The following MRTFA variants were observed in gnomAD, a reference collection of about 807,000 sequenced individuals.
MRTFA encodes myocardin-related transcription factor A.
A neutral mutation model predicts 83.5 loss-of-function variants in MRTFA; 20 were observed. The observed-to-expected ratio is 0.24, with a 90% CI of 0.17 to 0.35. The LOEUF (loss-of-function observed/expected upper bound fraction) is 0.35. MRTFA is among the 10% of genes least tolerant of loss of function. The pLI is 1.00. For missense variants in MRTFA, 1,200 were observed against 1,224.7 expected (o/e 0.98, Z 0.30); for synonymous variants, 659 against 541.2 (o/e 1.22, Z -3.02).
chr22:40,466,110 TAA>T (rs1755530493), intron 3 of MRTFA, among the ~76,000 whole-genome samples: 1 of 152,162 alleles, frequency 6.6e-6, no homozygotes, highest in Non-Finnish European at 1.5e-5. Context: ...ACAAAGGGGC[TAA>T]AACAGATGGT....
At chr22:40,634,061 G>A (rs1043931313) in intron 1 of MRTFA, among the ~76,000 whole-genome samples, 1 of 151,810 alleles carries the variant, frequency 6.6e-6, no homozygotes, top group African/African-American at 2.4e-5. Context: ...CCTTCCTGGG[G>A]CTTATAACTG....
intron 1 of MRTFA, among the ~76,000 whole-genome samples, chr22:40,629,296 A>C (rs548814722): frequency 6.6e-6 from 1 of 151,920 alleles, no homozygotes; most frequent in East Asian, 1.9e-4. Flanking sequence ...ATACAAAAAA[A>C]TTAGCCGGGC....
rs537139536 is a variant in MRTFA, at chr22:40,486,710, G to A, written c.242-23424C>T. On this transcript the variant is annotated intron_variant, in intron 3 of 14. Coordinates refer to ENST00000355630, the MANE Select transcript of MRTFA (RefSeq NM_020831.6). ...CGTATTAAGAAGGGTACAGGGAGCC[G>A]GGTGCAGTGTGGCTCACGCCTCTAA... Among the ~76,000 whole-genome samples the A allele has an allele frequency of 3.9e-5, 6 of 152,294 alleles. No homozygotes were observed. In the East Asian group the frequency reaches 5.8e-4, roughly 15 times the overall value.
At chr22:40,566,843 T>A (rs1419779194) in intron 2 of MRTFA, among the ~76,000 whole-genome samples, 1 of 152,018 alleles carries the variant, frequency 6.6e-6, no homozygotes, top group African/African-American at 2.4e-5. Context: ...AAAAAATAAA[T>A]AAAAATAAAT....
At chr22:40,443,014 C>T (rs1428166671) in intron 4 of MRTFA, among the ~76,000 whole-genome samples, 1 of 152,066 alleles carries the variant, frequency 6.6e-6, no homozygotes, top group East Asian at 1.9e-4. Flanking sequence ...CTTTGGGAGG[C>T]CGAGGTCGGG....
rs568306805 is a variant in MRTFA, at chr22:40,446,180, T to C, written c.308-10626A>G. On this transcript the variant is annotated intron_variant, in intron 4 of 14. Coordinates refer to ENST00000355630, the MANE Select transcript of MRTFA (RefSeq NM_020831.6). ...CATAATCTATGGGGTATCATTTTGA[T>C]GCCACGTGAAAATCCTGTTTTCCCA... 1.4e-4 allele frequency among the ~76,000 whole-genome samples: 21 copies of C among 152,378 alleles called. No homozygotes were observed. The East Asian group carries it at 3.5e-3, about 25-fold the overall frequency.
chr22:40,442,685 A>C (rs904848498), intron 4 of MRTFA, among the ~76,000 whole-genome samples: 1 of 152,158 alleles, frequency 6.6e-6, no homozygotes, highest in African/African-American at 2.4e-5. Context: ...GATGGAAGTA[A>C]AACAGTAGTG....
At position 40,606,655 on chromosome 22, in the gene MRTFA, T is replaced by C. The variant is rs2056321977; in HGVS notation, c.-83-11920A>G. Among the ~76,000 whole-genome samples, 3 of 152,226 alleles carry C rather than the reference T, an allele frequency of 2.0e-5. 1 individual carries two copies. The South Asian group carries it at 6.2e-4, about 31-fold the overall frequency. ...AAGTTTTTGTTTGTGTGTGTGTGCA[T>C]GTGTATATGCTTCATCTGGAGGCCT... On this transcript the variant is annotated intron_variant, in intron 1 of 14. Coordinates refer to ENST00000355630, the MANE Select transcript of MRTFA (RefSeq NM_020831.6).
Position 40,411,149 on chromosome 22 carries a change from T to G in MRTFA, c.*241A>C. The G allele has an allele frequency of 2.5e-6, 1 of 406,100 alleles. No individual in the cohort carries two copies. The highest frequency in any genetic ancestry group is 4.4e-6 in the Non-Finnish European group (1 of 229,676). The allele number at this position is 406,100 out of a possible 1,614,324, so 25.2% of individuals were successfully genotyped here. On this transcript the variant is annotated 3_prime_UTR_variant, in exon 15 of 15. Coordinates refer to ENST00000355630, the MANE Select transcript of MRTFA (RefSeq NM_020831.6). ...GCTGAAATGGCCCTGACCCTGACCG[T>G]GTGTCCAAAACCCCAGCGTGAGAGC...
In MRTFA at chr22:40,617,909, T is replaced by A. The variant is rs1202808269; in HGVS notation, c.-84+18569A>T. On this transcript the variant is annotated intron_variant, in intron 1 of 14. Transcript: ENST00000355630. ...TACTACATGCCAAGTACTGTTGGTG[T>A]TGAGGATACAGAAATTGACAAAGTC... Among the ~76,000 whole-genome samples the A allele has an allele frequency of 2.0e-5, 3 of 152,054 alleles. No homozygotes were observed. The South Asian group carries it at 6.2e-4, about 32-fold the overall frequency.
Position 40,416,097 on chromosome 22 carries a change from A to G in MRTFA, c.2578+889T>C, listed in dbSNP as rs969261715. ...ATTCGGTCTCGTGACACACCCCATC[A>G]GGGACCGCGCAATGTGGTCCCACAC... is the stretch of plus-strand genomic sequence containing the variant. On this transcript the variant is annotated intron_variant, in intron 14 of 14. Transcript: ENST00000355630. This position sits in a 1 kb window ranked among gnomAD's most constrained non-coding sequence, Gnocchi z 4.2. 6.6e-6 allele frequency among the ~76,000 whole-genome samples: 1 copy of G among 152,140 alleles called. No individual in the cohort carries two copies. Among genetic ancestry groups the G allele is most frequent in the Non-Finnish European group, 1.5e-5 (1 of 68,016 alleles).
At chr22:40,500,032 C>T (rs1031724490) in intron 3 of MRTFA, among the ~76,000 whole-genome samples, 1 of 148,164 alleles carries the variant, frequency 6.7e-6, no homozygotes, top group Non-Finnish European at 1.5e-5. Context: ...AGGGTTCAAG[C>T]AATTCTCCTG....
intron 3 of MRTFA, among the ~76,000 whole-genome samples, chr22:40,471,365 T>C (rs1473943182): frequency 1.3e-5 from 2 of 151,432 alleles, no homozygotes; most frequent in Non-Finnish European, 2.9e-5. Flanking sequence ...ATCATGCCAC[T>C]GCACTCCAGC....
chr22:40,432,563 AACC>A, intron 5 of MRTFA, among the ~76,000 whole-genome samples: 1 of 152,216 alleles, frequency 6.6e-6, no homozygotes, highest in South Asian at 2.1e-4. Context: ...AACATTTTCA[AACC>A]ACAGAACATT....
chr22:40,618,253 T>TC (rs1300503385), intron 1 of MRTFA, among the ~76,000 whole-genome samples: 5 of 147,700 alleles, frequency 3.4e-5, no homozygotes, highest in Non-Finnish European at 6.0e-5. Context: ...TTTTTGTATT[T>TC]TTTTTTTTTT....
At chr22:40,486,286 GA>G (rs1438972597) in intron 3 of MRTFA, among the ~76,000 whole-genome samples, 17 of 152,158 alleles carry the variant, frequency 1.1e-4, no homozygotes, top group African/African-American at 3.9e-4. Flanking sequence ...CTGCAAGCCC[GA>G]ACAGGAAATG....
chr22:40,499,085 G>A (rs1416284846), intron 3 of MRTFA, among the ~76,000 whole-genome samples: 1 of 152,058 alleles, frequency 6.6e-6, no homozygotes, highest in East Asian at 1.9e-4. Context: ...TAGAAAAAAA[G>A]GGAAAGAAAG....
At chr22:40,586,425 A>G (rs548374567) in intron 2 of MRTFA, among the ~76,000 whole-genome samples, 60 of 152,312 alleles carry the variant, frequency 3.9e-4, no homozygotes, top group African/African-American at 1.4e-3. Context: ...CACTCTAGCC[A>G]TTCAACTACT....
At chr22:40,419,644 C>A (rs1261670755) in intron 11 of MRTFA, among the ~76,000 whole-genome samples, 1 of 152,212 alleles carries the variant, frequency 6.6e-6, no homozygotes, top group African/African-American at 2.4e-5. Context: ...GTGCCCACAG[C>A]TGTCCCCAGC....
Sources: allele counts gnomAD v4.1 joint callset (sites outside exome capture counted in the v4.1 genomes callset), GRCh38; gene constraint gnomAD v4.1.1; non-coding constraint Gnocchi (gnomAD v3.1); transcripts MANE v1.5; gene names NCBI Gene and HGNC (gene_info 2026-07-23, HGNC 2026-07-21).